The following SYNE1 variants were observed in gnomAD, a reference collection of about 807,000 sequenced individuals.
SYNE1 encodes the protein nesprin-1.
In SYNE1, 616 loss-of-function variants were observed where a neutral mutation model predicts 1,111.0. The ratio of observed to expected loss-of-function variants is 0.55; its 90% CI spans 0.52 to 0.59. The LOEUF is 0.59. Ranked by LOEUF, SYNE1 falls within the 20% of genes least tolerant of loss-of-function variation. The pLI, the probability that SYNE1 is intolerant of heterozygous loss-of-function variation, is 0.00. For synonymous variants in SYNE1, 3,855 were observed against 3,825.8 expected (o/e 1.01, Z -0.28); for missense variants, 10,006 against 10,417.0 (o/e 0.96, Z 1.72).
chr6:152,341,354 T>C (rs2096530618), intron 74 of SYNE1, among the ~76,000 whole-genome samples: 1 of 152,226 alleles, frequency 6.6e-6, no homozygotes, highest in Non-Finnish European at 1.5e-5. Context: ...ATTTATATAG[T>C]TGATCTGATT....
chr6:152,458,821 T>C lies in SYNE1; in HGVS notation c.2504A>G (p.Asn835Ser), dbSNP rs1412442790. ...ACGCTCAAGAACTGTGATAATTTCA[T>C]TGATTTTCCCAAGTGAGTCATAAAA... ...TSFYDSLGKI[N>S]EIITVLEREA... is the part of the protein sequence containing the mutation. Residue 835 changes from asparagine to serine, a missense_variant, in exon 22 of 146, where the codon AAT becomes AGT. By Grantham distance (46) the Asn-to-Ser change is conservative (BLOSUM62 1). Transcript: ENST00000367255. 1 of 1,614,136 alleles carries C rather than the reference T, an allele frequency of 6.2e-7. No homozygotes were observed. Among genetic ancestry groups the C allele is most frequent in the South Asian group, 1.1e-5 (1 of 91,086 alleles).
At chr6:152,293,313 T>C (rs1348724438) in intron 95 of SYNE1, among the ~76,000 whole-genome samples, 6 of 152,196 alleles carry the variant, frequency 3.9e-5, no homozygotes, top group Non-Finnish European at 7.3e-5. Flanking sequence ...TAATCAAAGT[T>C]AAAAAGCAAC....
chr6:152,439,915 C>A (rs111691315), intron 32 of SYNE1, among the ~76,000 whole-genome samples: 3,851 of 152,244 alleles, frequency 0.025, 61 homozygotes, highest in Non-Finnish European at 0.035. Flanking sequence ...CCAAGTACAC[C>A]TACTAAATAC....
chr6:152,635,045 C>T (rs2099703916), intron 2 of SYNE1, among the ~76,000 whole-genome samples: 1 of 152,234 alleles, frequency 6.6e-6, no homozygotes, highest in Admixed American at 6.5e-5. Flanking sequence ...CACCTCCTTT[C>T]ATTTCCAAGA....
chr6:152,625,328 T>C (rs936232326), intron 3 of SYNE1, among the ~76,000 whole-genome samples: 5 of 152,196 alleles, frequency 3.3e-5, no homozygotes, highest in Non-Finnish European at 4.4e-5. Context: ...CAGTGACAAC[T>C]GAGAGCAAGA....
At chr6:152,476,718 A>G (rs1229605443) in intron 14 of SYNE1, among the ~76,000 whole-genome samples, 1 of 151,902 alleles carries the variant, frequency 6.6e-6, no homozygotes, top group Non-Finnish European at 1.5e-5. Flanking sequence ...AAAATACAAA[A>G]ATTAGTCAGG....
At chr6:152,184,161 C>A (rs189728392) in intron 128 of SYNE1, among the ~76,000 whole-genome samples, 1 of 152,134 alleles carries the variant, frequency 6.6e-6, no homozygotes, top group Non-Finnish European at 1.5e-5. Context: ...TATGGCCAGG[C>A]GCACTGGCTC....
intron 86 of SYNE1, 105 bp from the exon 87 acceptor site, chr6:152,317,091 A>G (rs1015969783): frequency 3.8e-6 from 5 of 1,311,794 alleles, no homozygotes; most frequent in Non-Finnish European, 5.4e-6. Context: ...GGGGTTGATC[A>G]TTATAATACC....
chr6:152,554,159 C>G (rs1414348388), intron 3 of SYNE1, among the ~76,000 whole-genome samples: 1 of 152,108 alleles, frequency 6.6e-6, no homozygotes. Flanking sequence ...CCCCAGTCAT[C>G]TGCTGCACCA....
intron 24 of SYNE1, among the ~76,000 whole-genome samples, chr6:152,455,194 CTG>C (rs1230163935): frequency 6.6e-6 from 1 of 152,180 alleles, no homozygotes; most frequent in Non-Finnish European, 1.5e-5. Flanking sequence ...TATTCTATGA[CTG>C]TCTACTATTC....
chr6:152,135,503 T>C (rs2056855687), intron 141 of SYNE1, among the ~76,000 whole-genome samples: 1 of 152,222 alleles, frequency 6.6e-6, no homozygotes, highest in South Asian at 2.1e-4. Flanking sequence ...GGTAGTGCTA[T>C]TATACAGTTT....
Position 152,401,357 on chromosome 6 carries a change from G to T in SYNE1, c.6826-16C>A. The T allele has an allele frequency of 6.2e-7, 1 of 1,609,492 alleles. No individual in the cohort carries two copies. ...CTTCTATAAACTAAATATCAAGCAA[G>T]ATTTCATCAATATCTCTGAAGACCA... On this transcript the variant is annotated splice_polypyrimidine_tract_variant and intron_variant, in intron 46 of 145. Transcript: ENST00000367255.
chr6:152,446,835 A>T (rs2098597019), intron 29 of SYNE1, among the ~76,000 whole-genome samples: 1 of 152,246 alleles, frequency 6.6e-6, no homozygotes, highest in Admixed American at 6.5e-5. Context: ...ATAGAAAAAC[A>T]TTAAAATGCA....
At chr6:152,281,737 G>A in intron 97 of SYNE1, 70 bp downstream of exon 97, 2 of 1,545,678 alleles carry the variant, frequency 1.3e-6, no homozygotes, top group Non-Finnish European at 1.8e-6. Flanking sequence ...CCTTTTTATA[G>A]TATGTTTTCT....
chr6:152,551,522 C>T (rs573576970), intron 3 of SYNE1, among the ~76,000 whole-genome samples: 1 of 152,180 alleles, frequency 6.6e-6, no homozygotes, highest in East Asian at 1.9e-4. Flanking sequence ...GGGTTTGGTC[C>T]CTGAGAGTCC....
chr6:152,480,417 A>C (rs1459441496), intron 14 of SYNE1, among the ~76,000 whole-genome samples: 1 of 152,162 alleles, frequency 6.6e-6, no homozygotes, highest in Admixed American at 6.5e-5. Context: ...GCTACATGGG[A>C]GGCTGAGGCA....
intron 112 of SYNE1, among the ~76,000 whole-genome samples, chr6:152,233,253 CAT>C (rs1047871928): frequency 6.6e-5 from 10 of 152,266 alleles, no homozygotes; most frequent in African/African-American, 2.2e-4. Flanking sequence ...TTCCAATACA[CAT>C]ACCCACACCC....
Position 152,302,000 on chromosome 6 carries a change from T to A in SYNE1, c.17410A>T (p.Met5804Leu). The change falls in exon 92 of 146, where the codon ATG becomes TTG. Residue 5804 changes from methionine (M) to leucine (L), a missense_variant. Physicochemically the swap from Met to Leu is conservative, Grantham distance 15 (BLOSUM62 2). Around this residue, in one of 7 missense-constraint regions of SYNE1, gnomAD observed 4,955 missense variants for 5,017.2 expected, o/e 0.99. Coordinates refer to ENST00000367255, the MANE Select transcript of SYNE1 (RefSeq NM_182961.4). ...QIASLNSKCK[M>L]LTMKAKHATM... ...GCGTGCTTGGCTTTCATCGTCAGCA[T>A]CTTGCACTTGGAATTCAAAGAAGCG... is the stretch of plus-strand genomic sequence containing the variant. 1.2e-6 allele frequency: 2 copies of A among 1,614,252 alleles called. No individual in the cohort carries two copies. Among genetic ancestry groups the A allele is most frequent in the Non-Finnish European group, 1.7e-6 (2 of 1,180,048 alleles).
rs200690285 is a variant in SYNE1, at chr6:152,201,894, A to G, written c.23075T>C (p.Phe7692Ser). 16 of 1,613,946 alleles carry G rather than the reference A, an allele frequency of 9.9e-6. 1 individual carries two copies. In the East Asian group the frequency reaches 2.5e-4, roughly 25 times the overall value. The change falls in exon 127 of 146, where the codon TTC becomes TCC. Residue 7692 changes from phenylalanine (F) to serine (S), a missense_variant. This residue lies in a region of SYNE1 where 2,182 missense variants were observed against 2,287.8 expected (regional missense o/e 0.95). Transcript: ENST00000367255. ...IADSLEKLRT[F>S]KKKLSQSLPD... The stretch of plus-strand genomic sequence containing the variant: ...GAGAGACTGCGAAAGCTTCTTTTTG[A>G]AAGTTCGTAGTTTCTCCAGGGAATC...
Sources: gnomAD v4.1 joint callset for allele counts (sites outside exome capture counted in the v4.1 genomes callset) on GRCh38, gnomAD v4.1.1 for gene constraint, gnomAD v4.1.1 regional missense constraint, MANE v1.5 for transcripts, NCBI Gene and HGNC (gene_info 2026-07-23, HGNC 2026-07-21) for gene names.